Variants in TAFA1 observed in about 807,000 individuals in gnomAD.
TAFA1 encodes the protein chemokine-like protein TAFA-1.
In TAFA1, 4 loss-of-function variants were observed where a neutral mutation model predicts 18.5. The observed-to-expected ratio is 0.22, with a 90% CI of 0.11 to 0.49. The LOEUF (loss-of-function observed/expected upper bound fraction) is 0.49, where lower values mean the gene tolerates loss of function less well. TAFA1 is among the 20% of genes least tolerant of loss of function. TAFA1 has a pLI of 0.98. For synonymous variants in TAFA1, 56 were observed against 55.2 expected, an observed-to-expected ratio of 1.01 and a Z score of -0.06; for missense variants, 147 against 169.0, an observed-to-expected ratio of 0.87 and a Z score of 0.72.
chr3:68,309,578 C>T (rs369978377), intron 2 of TAFA1, among the ~76,000 whole-genome samples: 28 of 152,280 alleles, frequency 1.8e-4, no homozygotes, highest in African/African-American at 6.7e-4. Flanking sequence ...ACAGATTTAC[C>T]TACTAGCACT....
chr3:68,254,958 C>A (rs1305339280), intron 2 of TAFA1, among the ~76,000 whole-genome samples: 1 of 152,106 alleles, frequency 6.6e-6, no homozygotes, highest in African/African-American at 2.4e-5. Context: ...GAAGTAGCAG[C>A]CACTTGGCCT....
At chr3:68,404,496 T>A (rs1028072474) in intron 2 of TAFA1, among the ~76,000 whole-genome samples, 1 of 151,706 alleles carries the variant, frequency 6.6e-6, no homozygotes, top group Non-Finnish European at 1.5e-5. Context: ...AGTTCTCCTA[T>A]AGGACCAAAA....
chr3:68,048,916 T>C (rs1450092793), intron 2 of TAFA1, among the ~76,000 whole-genome samples: 3 of 152,214 alleles, frequency 2.0e-5, no homozygotes, highest in Non-Finnish European at 4.4e-5. Context: ...AATGGTGCAA[T>C]TAACATGGAT....
chr3:68,338,344 G>C (rs1252278212), intron 2 of TAFA1, among the ~76,000 whole-genome samples: 4 of 152,156 alleles, frequency 2.6e-5, no homozygotes, highest in African/African-American at 9.7e-5. Context: ...TGCCTTGTAG[G>C]TGGTTTTGTT....
intron 2 of TAFA1, among the ~76,000 whole-genome samples, chr3:68,138,492 C>T (rs111971142): frequency 0.016 from 2,508 of 152,230 alleles, 79 homozygotes; most frequent in African/African-American, 0.056. Context: ...CTAATAAACA[C>T]GAAATGTTTG....
intron 2 of TAFA1, among the ~76,000 whole-genome samples, chr3:68,283,180 C>G (rs1197299013): frequency 6.6e-6 from 1 of 152,176 alleles, no homozygotes; most frequent in Non-Finnish European, 1.5e-5. Context: ...ACCCTGCACA[C>G]AAGCAGGAAT....
At chr3:68,299,613 A>G (rs2068269586) in intron 2 of TAFA1, among the ~76,000 whole-genome samples, 2 of 152,240 alleles carry the variant, frequency 1.3e-5, no homozygotes, top group South Asian at 2.1e-4. Context: ...GTTAATCATC[A>G]AAACGATGGA....
intron 3 of TAFA1, among the ~76,000 whole-genome samples, chr3:68,459,143 G>A (rs1463153853): frequency 6.6e-6 from 1 of 152,158 alleles, no homozygotes; most frequent in Non-Finnish European, 1.5e-5. Flanking sequence ...CTGGGAGGGG[G>A]GTACCATTTT....
intron 2 of TAFA1, among the ~76,000 whole-genome samples, chr3:68,254,932 C>CA (rs921129253): frequency 6.6e-6 from 1 of 152,040 alleles, no homozygotes; most frequent in Non-Finnish European, 1.5e-5. Context: ...ACACTCTGCC[C>CA]AAAAAACTAG....
intron 3 of TAFA1, among the ~76,000 whole-genome samples, chr3:68,486,291 C>T (rs951749856): frequency 2.6e-5 from 4 of 151,806 alleles, no homozygotes; most frequent in Non-Finnish European, 5.9e-5. Flanking sequence ...GCAGCCTGAA[C>T]AACTAGTTAC....
intron 3 of TAFA1, among the ~76,000 whole-genome samples, chr3:68,507,790 C>T (rs948904680): frequency 6.6e-6 from 1 of 152,114 alleles, no homozygotes; most frequent in Non-Finnish European, 1.5e-5. Context: ...AATACAAAAA[C>T]CGCACAACCC....
intron 2 of TAFA1, among the ~76,000 whole-genome samples, chr3:68,297,348 G>A (rs2068226208): frequency 6.6e-6 from 1 of 152,130 alleles, no homozygotes; most frequent in Admixed American, 6.5e-5. Context: ...CCAACAGTTA[G>A]CATGGAACAT....
At chr3:68,389,840 C>T (rs929209130) in intron 2 of TAFA1, among the ~76,000 whole-genome samples, 12 of 152,108 alleles carry the variant, frequency 7.9e-5, no homozygotes, top group African/African-American at 1.2e-4. Flanking sequence ...CCAGATACTA[C>T]GCTTTTCCCA....
At chr3:68,368,112 C>G (rs945325241) in intron 2 of TAFA1, among the ~76,000 whole-genome samples, 9 of 152,042 alleles carry the variant, frequency 5.9e-5, no homozygotes, top group Non-Finnish European at 1.0e-4. Context: ...AGTTAATTGC[C>G]TGAAATTTTC....
chr3:68,239,309 A>G lies in TAFA1; in HGVS notation c.119-177971A>G, dbSNP rs115534603. Among the ~76,000 whole-genome samples, 987 of 152,274 alleles carry G rather than the reference A, an allele frequency of 6.5e-3. 6 individuals are homozygous for G. Among genetic ancestry groups the G allele is most frequent in the African/African-American group, 0.015 (637 of 41,572 alleles). ...TGAGTTCATGTTACAAAGTTTATCA[A>G]TAAGTTATTAGAACTCAGGAGCGCT... On this transcript the variant is annotated intron_variant, in intron 2 of 4. Coordinates refer to ENST00000478136, the MANE Select transcript of TAFA1 (RefSeq NM_213609.4).
intron 2 of TAFA1, among the ~76,000 whole-genome samples, chr3:68,015,998 G>T (rs1704562506): frequency 6.6e-6 from 1 of 152,146 alleles, no homozygotes; most frequent in African/African-American, 2.4e-5. Context: ...AGGATAATTT[G>T]TTATCAGTGT....
At chr3:68,127,798 A>G (rs1261014464) in intron 2 of TAFA1, among the ~76,000 whole-genome samples, 2 of 110,030 alleles carry the variant, frequency 1.8e-5, no homozygotes, top group Non-Finnish European at 3.8e-5. Flanking sequence ...GGTGATGCTG[A>G]TGGCAGTGGT....
chr3:68,128,128 A>G (rs1202017904), intron 2 of TAFA1, among the ~76,000 whole-genome samples: 1 of 152,150 alleles, frequency 6.6e-6, no homozygotes, highest in African/African-American at 2.4e-5. Flanking sequence ...CTGAAAGAAC[A>G]AGCTTATAGG....
At chr3:68,542,926 G>T (rs1289360837) in intron 4 of TAFA1, among the ~76,000 whole-genome samples, 1 of 152,078 alleles carries the variant, frequency 6.6e-6, no homozygotes, top group African/African-American at 2.4e-5. Flanking sequence ...AGGTGAGCAG[G>T]GGGATGACTT....
Sources: allele counts gnomAD v4.1 joint callset (sites outside exome capture counted in the v4.1 genomes callset), GRCh38; gene constraint gnomAD v4.1.1; transcripts MANE v1.5; gene names NCBI Gene and HGNC (gene_info 2026-07-23, HGNC 2026-07-21).